The following NLGN1 variants were observed in gnomAD, a reference collection of about 807,000 sequenced individuals.
NLGN1 encodes neuroligin-1.
Under a neutral mutation model 65.5 loss-of-function variants are expected in NLGN1, and 12 were observed. That is an observed-to-expected ratio of 0.18 (90% confidence interval 0.12 to 0.30). The LOEUF (loss-of-function observed/expected upper bound fraction) is 0.30. Ranked by LOEUF, NLGN1 falls within the 10% of genes least tolerant of loss-of-function variation. The probability of loss-of-function intolerance (pLI) is 1.00; values close to 1 mark genes in which losing one functional copy is unlikely to be tolerated. For synonymous variants in NLGN1, 350 were observed against 359.5 expected, an observed-to-expected ratio of 0.97 and a Z score of 0.30; for missense variants, 750 against 1,007.1, an observed-to-expected ratio of 0.74 and a Z score of 3.46.
intron 4 of NLGN1, among the ~76,000 whole-genome samples, chr3:174,136,824 C>A (rs2152682380): frequency 6.6e-6 from 1 of 152,164 alleles, no homozygotes; most frequent in East Asian, 1.9e-4. Flanking sequence ...ATATTTGTTC[C>A]ATTTACATAG....
At chr3:174,053,615 T>C (rs1356056841) in intron 4 of NLGN1, among the ~76,000 whole-genome samples, 1 of 152,008 alleles carries the variant, frequency 6.6e-6, no homozygotes, top group Non-Finnish European at 1.5e-5. Context: ...ATCACTGTCC[T>C]CTAGGTGCTA....
chr3:173,570,106 G>A (rs983649509), intron 2 of NLGN1, among the ~76,000 whole-genome samples: 2 of 152,170 alleles, frequency 1.3e-5, no homozygotes, highest in Admixed American at 1.3e-4. Context: ...GGGGCCAGAA[G>A]GGGTCAAGAG....
At chr3:174,071,782 G>A (rs1739940433) in intron 4 of NLGN1, among the ~76,000 whole-genome samples, 2 of 150,856 alleles carry the variant, frequency 1.3e-5, no homozygotes, top group African/African-American at 4.9e-5. Flanking sequence ...AAGTGAATAA[G>A]AAATATTCTC....
chr3:174,253,670 A>C (rs1745163522), intron 4 of NLGN1, among the ~76,000 whole-genome samples: 1 of 152,148 alleles, frequency 6.6e-6, no homozygotes, highest in South Asian at 2.1e-4. Context: ...ATTTATTTTC[A>C]ATTACAAATC....
chr3:173,473,822 T>C (rs1436708087), intron 2 of NLGN1, among the ~76,000 whole-genome samples: 1 of 152,222 alleles, frequency 6.6e-6, no homozygotes, highest in Non-Finnish European at 1.5e-5. Context: ...ACAAGCCTTC[T>C]GTGTGCACTA....
chr3:173,656,333 C>T (rs987026283), intron 3 of NLGN1, among the ~76,000 whole-genome samples: 1 of 152,102 alleles, frequency 6.6e-6, no homozygotes, highest in Non-Finnish European at 1.5e-5. Context: ...GAGCTCATAA[C>T]TATTTTCTTT....
chr3:174,004,172 A>G (rs991296133), intron 4 of NLGN1, among the ~76,000 whole-genome samples: 4 of 152,144 alleles, frequency 2.6e-5, no homozygotes, highest in African/African-American at 4.8e-5. Flanking sequence ...GTGTAGCCCA[A>G]AGATTCCTGT....
At chr3:174,043,942 G>T (rs1732940759) in intron 4 of NLGN1, among the ~76,000 whole-genome samples, 1 of 152,186 alleles carries the variant, frequency 6.6e-6, no homozygotes, top group African/African-American at 2.4e-5. Flanking sequence ...AGACATCCAA[G>T]TATTTTCATA....
At chr3:173,428,670 A>G (rs926634015) in intron 1 of NLGN1, among the ~76,000 whole-genome samples, 1 of 152,090 alleles carries the variant, frequency 6.6e-6, no homozygotes, top group African/African-American at 2.4e-5. Flanking sequence ...TACTAAAGGT[A>G]TAAGTGGTTG....
chr3:174,112,571 A>T (rs547135115), intron 4 of NLGN1, among the ~76,000 whole-genome samples: 1 of 152,080 alleles, frequency 6.6e-6, no homozygotes, highest in African/African-American at 2.4e-5. Context: ...CAATAGATCC[A>T]TGACACAGAT....
chr3:174,289,707 TACATACATAAGATAAA>T (rs1174473498), downstream of NLGN1, among the ~76,000 whole-genome samples: 2 of 150,928 alleles, frequency 1.3e-5, no homozygotes, highest in Non-Finnish European at 3.0e-5. Flanking sequence ...GAAAAAGTAA[TACATACATAAGATAAA>T]ACAAAATATT....
intron 4 of NLGN1, among the ~76,000 whole-genome samples, chr3:174,129,020 G>T (rs1719558808): frequency 6.6e-6 from 1 of 152,070 alleles, no homozygotes; most frequent in Non-Finnish European, 1.5e-5. Context: ...GGACATTATA[G>T]GTAACAAGCT....
Position 174,225,259 on chromosome 3 carries a change from C to T in NLGN1, c.647-50056C>T, listed in dbSNP as rs545150363. On this transcript the variant is annotated intron_variant, in intron 4 of 6. Coordinates refer to ENST00000457714, the Ensembl canonical transcript of NLGN1. The stretch of plus-strand genomic sequence containing the variant: ...CCTGAAACCTTAAAGTTTCTCAGAT[C>T]CCACTAAACGCTTCCAGGGATCTCA... Among the ~76,000 whole-genome samples the T allele has an allele frequency of 3.9e-5, 6 of 152,270 alleles. No homozygotes were observed. In the South Asian group the frequency reaches 1.2e-3, roughly 32 times the overall value.
At chr3:173,558,114 C>A (rs1256437331) in intron 2 of NLGN1, among the ~76,000 whole-genome samples, 1 of 148,536 alleles carries the variant, frequency 6.7e-6, no homozygotes, top group Non-Finnish European at 1.5e-5. Flanking sequence ...CAGATGTTAT[C>A]TTCTCCACCT....
rs151143755 is a variant in NLGN1, at chr3:173,643,928, C to T, written c.493+38837C>T. On this transcript the variant is annotated intron_variant, in intron 3 of 6. Transcript: ENST00000457714. Reference sequence around the variant, plus strand: ...TTTTAATTATAAAAACATACATCAGCGGAACCAGCAAACAGGATGCCCAAA... The same window carrying T: ...TTTTAATTATAAAAACATACATCAGTGGAACCAGCAAACAGGATGCCCAAA... Among the ~76,000 whole-genome samples the T allele has an allele frequency of 6.6e-3, 1,001 of 152,168 alleles. 14 individuals are homozygous for T. The highest frequency in any genetic ancestry group is 0.023 in the African/African-American group (955 of 41,492).
chr3:173,944,303 A>T (rs1284956768), intron 4 of NLGN1, among the ~76,000 whole-genome samples: 1 of 152,174 alleles, frequency 6.6e-6, no homozygotes, highest in Non-Finnish European at 1.5e-5. Context: ...AATCACAAAC[A>T]TACATGTGGA....
chr3:174,254,190 A>C (rs567075826), intron 4 of NLGN1, among the ~76,000 whole-genome samples: 1 of 152,186 alleles, frequency 6.6e-6, no homozygotes, highest in South Asian at 2.1e-4. Flanking sequence ...GTTTTAGTGC[A>C]TTTATGCGCA....
intron 2 of NLGN1, among the ~76,000 whole-genome samples, chr3:173,507,990 C>T: frequency 6.6e-6 from 1 of 152,164 alleles, no homozygotes; most frequent in African/African-American, 2.4e-5. Flanking sequence ...TTGAGAGGTA[C>T]ATATCAGGTA....
rs557880853 is a variant in NLGN1, at chr3:173,529,273, C to T, written c.-320-75006C>T. On this transcript the variant is annotated intron_variant, in intron 2 of 6. Transcript: ENST00000457714. ...CCTACCGGCCAGTAGGTGGCACTTC[C>T]GGGTAAGAGCCAGCAGCGCAAAAGC... is the stretch of plus-strand genomic sequence containing the variant. 1.6e-3 allele frequency among the ~76,000 whole-genome samples: 240 copies of T among 152,170 alleles called. 1 individual carries two copies. The Middle Eastern group carries it at 0.021, about 13-fold the overall frequency.
Sources: gnomAD v4.1 joint callset for allele counts (sites outside exome capture counted in the v4.1 genomes callset) on GRCh38, gnomAD v4.1.1 for gene constraint, MANE v1.5 for transcripts, NCBI Gene and HGNC (gene_info 2026-07-23, HGNC 2026-07-21) for gene names.